The following SIL1 variants were observed in gnomAD, a reference collection of about 807,000 sequenced individuals.
SIL1 encodes the protein nucleotide exchange factor SIL1.
Under a neutral mutation model 49.1 loss-of-function variants are expected in SIL1, and 40 were observed. The observed-to-expected ratio is 0.81, with a 90% CI of 0.63 to 1.06. SIL1 has a LOEUF of 1.06. Ranked by LOEUF, SIL1 falls within the 50% of genes least tolerant of loss-of-function variation. SIL1 has a pLI of 0.00. For missense variants in SIL1, 500 were observed against 572.6 expected, an observed-to-expected ratio of 0.87 and a Z score of 1.29; for synonymous variants, 253 against 250.8, an observed-to-expected ratio of 1.01 and a Z score of -0.08.
At chr5:138,982,029 A>G (rs1347213812) in intron 7 of SIL1, among the ~76,000 whole-genome samples, 7 of 152,208 alleles carry the variant, frequency 4.6e-5, no homozygotes, top group South Asian at 2.1e-4. Flanking sequence ...TCTTTACTCC[A>G]TAACAGTACT....
intron 7 of SIL1, among the ~76,000 whole-genome samples, chr5:139,018,560 A>T (rs1768448992): frequency 6.9e-6 from 1 of 144,608 alleles, no homozygotes; most frequent in African/African-American, 2.7e-5. Flanking sequence ...ACTGTACTCC[A>T]GCCTGAGTGA....
At chr5:139,189,923 C>T (rs1255864977) in intron 1 of SIL1, among the ~76,000 whole-genome samples, 2 of 152,334 alleles carry the variant, frequency 1.3e-5, no homozygotes, top group Non-Finnish European at 1.5e-5. Flanking sequence ...AATAGTCTTC[C>T]ATGAAACTAG....
chr5:138,948,554 C>G lies in SIL1; in HGVS notation c.1030-1081G>C, dbSNP rs897050278. On this transcript the variant is annotated intron_variant, in intron 9 of 9. Coordinates refer to ENST00000394817, the MANE Select transcript of SIL1 (RefSeq NM_022464.5). This position sits in a 1 kb window ranked among gnomAD's most constrained non-coding sequence, Gnocchi z 4.8. Reference sequence around the variant, plus strand: ...CTGCCCCCACTGTGCGCGGCCTGGACCCACTCACACCCACTCCTGTCACTC... The same window carrying G: ...CTGCCCCCACTGTGCGCGGCCTGGAGCCACTCACACCCACTCCTGTCACTC... Among the ~76,000 whole-genome samples the G allele has an allele frequency of 6.6e-6, 1 of 152,152 alleles. No individual in the cohort carries two copies. Among genetic ancestry groups the G allele is most frequent in the African/African-American group, 2.4e-5 (1 of 41,430 alleles).
chr5:139,182,874 G>C (rs983663856), intron 1 of SIL1, among the ~76,000 whole-genome samples: 1 of 152,184 alleles, frequency 6.6e-6, no homozygotes, highest in African/African-American at 2.4e-5. Flanking sequence ...TGACCCAAAA[G>C]CTTGCCACCA....
chr5:138,990,641 T>C (rs111266789), intron 7 of SIL1, among the ~76,000 whole-genome samples: 1 of 152,262 alleles, frequency 6.6e-6, no homozygotes, highest in African/African-American at 2.4e-5. Context: ...TTGTCCAGGC[T>C]GGTCCCAAAT....
rs1766668557 is a variant in SIL1 at position 138,947,750 on chromosome 5, T to C, written c.1030-277A>G. ...TTAAGGTCTAGCAGGAGAATAAAAATTAACTAATTCCCAAATAGCATAAAT... is the reference window on the plus strand; with the variant it reads ...TTAAGGTCTAGCAGGAGAATAAAAACTAACTAATTCCCAAATAGCATAAAT... On this transcript the variant is annotated intron_variant, in intron 9 of 9. Transcript: ENST00000394817. This position sits in a 1 kb window ranked among gnomAD's most constrained non-coding sequence, Gnocchi z 4.1. Among the ~76,000 whole-genome samples the C allele has an allele frequency of 6.6e-6, 1 of 152,168 alleles. No individual in the cohort carries two copies. Among genetic ancestry groups the C allele is most frequent in the African/African-American group, 2.4e-5 (1 of 41,428 alleles).
At chr5:139,073,919 A>G (rs1264677543) in intron 3 of SIL1, among the ~76,000 whole-genome samples, 1 of 152,144 alleles carries the variant, frequency 6.6e-6, no homozygotes, top group Non-Finnish European at 1.5e-5. Flanking sequence ...AAATACATAA[A>G]TAATAATAAT....
At chr5:139,005,382 TTC>T (rs1043278624) in intron 7 of SIL1, among the ~76,000 whole-genome samples, 2 of 151,676 alleles carry the variant, frequency 1.3e-5, no homozygotes, top group African/African-American at 4.8e-5. Context: ...TTATTTTATA[TTC>T]TGTTTTCTGT....
At chr5:138,975,143 G>A (rs1767368318) in intron 7 of SIL1, among the ~76,000 whole-genome samples, 1 of 152,068 alleles carries the variant, frequency 6.6e-6, no homozygotes. Flanking sequence ...TGAAATTACT[G>A]GATTTCAAGG....
intron 1 of SIL1, among the ~76,000 whole-genome samples, chr5:139,145,629 CGTGTGTGTGTGTGTGTGTGTGTGTGTGT>C (rs57675583): frequency 7.7e-5 from 11 of 142,642 alleles, no homozygotes; most frequent in Admixed American, 1.4e-4. Flanking sequence ...GGTGTGGGGG[CGTGTGTGTGTGTGTGTGTGTGTGTGTGT>C]GTGTGTGTGT....
intron 1 of SIL1, among the ~76,000 whole-genome samples, chr5:139,139,883 CT>C (rs921102775): frequency 2.7e-5 from 4 of 148,728 alleles, no homozygotes; most frequent in African/African-American, 1.0e-4. Flanking sequence ...AATCCCAAAA[CT>C]TTGGGAGGCT....
chr5:138,950,286 T>A (rs1766739265), intron 9 of SIL1, among the ~76,000 whole-genome samples: 1 of 152,224 alleles, frequency 6.6e-6, no homozygotes, highest in African/African-American at 2.4e-5. Flanking sequence ...GAGCACCACA[T>A]GGCTGCCTGC....
chr5:139,170,158 T>C (rs1030020653), intron 1 of SIL1, among the ~76,000 whole-genome samples: 2 of 152,216 alleles, frequency 1.3e-5, no homozygotes, highest in African/African-American at 2.4e-5. Context: ...CGGAGTCTGG[T>C]TCACTCAGTG....
rs1229305767 is a variant in SIL1 at position 139,084,255 on chromosome 5, AC to A, written c.245-33210del. On this transcript the variant is annotated intron_variant, in intron 3 of 9. Coordinates refer to ENST00000394817, the MANE Select transcript of SIL1 (RefSeq NM_022464.5). ...TCCTCAGGGATCTAGAACTAGAAAT[AC>A]CATTTGACCCAGCCATCCCATTACT... Among the ~76,000 whole-genome samples the A allele has an allele frequency of 2.7e-5, 4 of 149,662 alleles. No individual in the cohort carries two copies. In the East Asian group the frequency reaches 7.8e-4, roughly 29 times the overall value.
intron 7 of SIL1, among the ~76,000 whole-genome samples, chr5:138,970,601 C>T (rs1026845010): frequency 2.0e-5 from 3 of 152,200 alleles, no homozygotes; most frequent in Admixed American, 6.5e-5. Flanking sequence ...GGCCCTCTCT[C>T]AGCCTGCACC....
intron 3 of SIL1, among the ~76,000 whole-genome samples, chr5:139,066,484 G>A (rs1433005220): frequency 6.6e-6 from 1 of 151,930 alleles, no homozygotes; most frequent in Non-Finnish European, 1.5e-5. Context: ...TAATAGGCTA[G>A]CTTGAGCAAC....
chr5:139,098,809 C>CTTTTTTTTT (rs59863544), intron 3 of SIL1, among the ~76,000 whole-genome samples: 32 of 89,086 alleles, frequency 3.6e-4, no homozygotes, highest in Non-Finnish European at 5.1e-4. Context: ...TTTTCTTACT[C>CTTTTTTTTT]TTTTTTTTTT....
intron 7 of SIL1, among the ~76,000 whole-genome samples, chr5:138,966,967 G>A (rs1317316027): frequency 6.6e-6 from 1 of 152,204 alleles, no homozygotes; most frequent in Non-Finnish European, 1.5e-5. Flanking sequence ...TATTTGTCAA[G>A]AAGCTGTGCT....
In SIL1 at chr5:138,947,853, T is replaced by C. The variant is rs1256143811; in HGVS notation, c.1030-380A>G. Among the ~76,000 whole-genome samples the C allele has an allele frequency of 6.6e-6, 1 of 152,226 alleles. No homozygotes were observed. The highest frequency in any genetic ancestry group is 1.5e-5 in the Non-Finnish European group (1 of 68,052). On this transcript the variant is annotated intron_variant, in intron 9 of 9. Transcript: ENST00000394817. The surrounding 1 kb of genome is among the most constrained non-coding windows in gnomAD (Gnocchi z 4.1). ...CCACCACTGACTTGCTGAATGACCA[T>C]GGCTGGCACTTAGCCTCCCTGAGAC...
Sources: allele counts gnomAD v4.1 joint callset (sites outside exome capture counted in the v4.1 genomes callset), GRCh38; gene constraint gnomAD v4.1.1; non-coding constraint Gnocchi (gnomAD v3.1); transcripts MANE v1.5; gene names NCBI Gene and HGNC (gene_info 2026-07-23, HGNC 2026-07-21).